The following AKAP6 variants were observed in gnomAD, a reference collection of about 807,000 sequenced individuals.
The protein encoded by AKAP6 is A-kinase anchoring protein 6.
Under a neutral mutation model 188.5 loss-of-function variants are expected in AKAP6, and 58 were observed. The ratio of observed to expected loss-of-function variants is 0.31; its 90% CI spans 0.25 to 0.38. The LOEUF is 0.38. AKAP6 is among the 10% of genes least tolerant of loss of function. AKAP6 has a pLI of 1.00. For synonymous variants in AKAP6, 989 were observed against 998.6 expected (o/e 0.99, Z 0.18); for missense variants, 2,710 against 2,740.0 (o/e 0.99, Z 0.24).
At chr14:32,384,876 G>A (rs975828531) in intron 1 of AKAP6, among the ~76,000 whole-genome samples, 3 of 152,118 alleles carry the variant, frequency 2.0e-5, no homozygotes, top group African/African-American at 7.2e-5. Flanking sequence ...CTGTTAGGGT[G>A]GGTGGAGGGA....
At chr14:32,535,944 A>G in intron 3 of AKAP6, 139 bp downstream of exon 3, 1 of 1,266,708 alleles carries the variant, frequency 7.9e-7, no homozygotes, top group Non-Finnish European at 1.1e-6. Flanking sequence ...AGGCATAGTG[A>G]CTAGAAGCTA....
At chr14:32,477,389 C>A (rs534892857) in intron 2 of AKAP6, among the ~76,000 whole-genome samples, 4 of 152,088 alleles carry the variant, frequency 2.6e-5, no homozygotes, top group East Asian at 1.9e-4. Context: ...CCATGCCTGG[C>A]GGTGTTGAAG....
intron 4 of AKAP6, among the ~76,000 whole-genome samples, chr14:32,573,271 C>A (rs1884573914): frequency 6.6e-6 from 1 of 152,162 alleles, no homozygotes; most frequent in African/African-American, 2.4e-5. Context: ...GTAGAACATG[C>A]ATAAAATGTA....
chr14:32,773,392 A>G (rs2032956654), intron 11 of AKAP6, among the ~76,000 whole-genome samples: 1 of 152,134 alleles, frequency 6.6e-6, no homozygotes, highest in Non-Finnish European at 1.5e-5. Context: ...GATTTATTTC[A>G]TTAGGCTAGA....
intron 12 of AKAP6, among the ~76,000 whole-genome samples, chr14:32,780,146 G>GAAA (rs368489978): frequency 9.3e-6 from 1 of 107,526 alleles, no homozygotes; most frequent in Non-Finnish European, 1.8e-5. Context: ...AAAAGAAATT[G>GAAA]AAAAAAAAAA....
At chr14:32,741,347 G>A (rs887185668) in intron 11 of AKAP6, among the ~76,000 whole-genome samples, 8 of 151,968 alleles carry the variant, frequency 5.3e-5, no homozygotes, top group African/African-American at 1.9e-4. Flanking sequence ...TGATTTGGAT[G>A]CCTCTATTTC....
intron 11 of AKAP6, among the ~76,000 whole-genome samples, chr14:32,763,335 A>G (rs918265357): frequency 6.6e-6 from 1 of 152,152 alleles, no homozygotes; most frequent in African/African-American, 2.4e-5. Context: ...TATTATATCA[A>G]TACCTTTTCC....
intron 1 of AKAP6, among the ~76,000 whole-genome samples, chr14:32,368,714 C>A (rs184976103): frequency 6.6e-6 from 1 of 152,136 alleles, no homozygotes; most frequent in African/African-American, 2.4e-5. Context: ...GTGCCCAAAC[C>A]GTGGACCCCT....
At position 32,599,407 on chromosome 14, in the gene AKAP6, C is replaced by A; in HGVS notation, c.2470-3C>A. ...GGTTTAATGTTCATATTTTTCCTTG[C>A]AGAGTTTTAAGTTGAATGTAGACAG... On this transcript the variant is annotated splice_region_variant and splice_polypyrimidine_tract_variant and intron_variant, in intron 5 of 13. Transcript: ENST00000280979. 6.2e-7 allele frequency: 1 copy of A among 1,608,436 alleles called. No homozygotes were observed. Among genetic ancestry groups the A allele is most frequent in the Non-Finnish European group, 8.5e-7 (1 of 1,177,192 alleles).
At chr14:32,516,643 A>G (rs571001977) in intron 2 of AKAP6, among the ~76,000 whole-genome samples, 25 of 152,348 alleles carry the variant, frequency 1.6e-4, no homozygotes, top group Non-Finnish European at 2.8e-4. Context: ...TTCTATTACC[A>G]CAAATTTTTG....
At chr14:32,591,400 T>C (rs1022614372) in intron 5 of AKAP6, among the ~76,000 whole-genome samples, 1 of 151,800 alleles carries the variant, frequency 6.6e-6, no homozygotes, top group Non-Finnish European at 1.5e-5. Context: ...TTCTATCTAA[T>C]TCTTGCATAA....
intron 4 of AKAP6, among the ~76,000 whole-genome samples, chr14:32,547,311 T>C (rs1196382676): frequency 6.6e-6 from 1 of 152,182 alleles, no homozygotes; most frequent in Admixed American, 6.5e-5. Context: ...CAAAATTAAA[T>C]AGAATGATAG....
At chr14:32,603,978 A>G (rs1566599941) in intron 7 of AKAP6, among the ~76,000 whole-genome samples, 1 of 152,134 alleles carries the variant, frequency 6.6e-6, no homozygotes, top group Non-Finnish European at 1.5e-5. Flanking sequence ...AAAATAGGTG[A>G]CGTTGGGCTA....
intron 7 of AKAP6, among the ~76,000 whole-genome samples, chr14:32,665,611 C>T (rs1461469206): frequency 6.6e-6 from 1 of 152,078 alleles, no homozygotes; most frequent in Non-Finnish European, 1.5e-5. Flanking sequence ...TTCATTCCCC[C>T]ACAGTATAGG....
At chr14:32,437,130 C>G (rs907332840) in intron 2 of AKAP6, among the ~76,000 whole-genome samples, 1 of 152,154 alleles carries the variant, frequency 6.6e-6, no homozygotes, top group African/African-American at 2.4e-5. Context: ...TGTCTGACAG[C>G]TTTTCCTGTT....
At chr14:32,329,862 T>G (rs899918521) in intron 1 of AKAP6, among the ~76,000 whole-genome samples, 17 of 152,140 alleles carry the variant, frequency 1.1e-4, no homozygotes, top group African/African-American at 4.1e-4. Flanking sequence ...GGTTTCAGTT[T>G]CTTCATGGCA....
intron 11 of AKAP6, among the ~76,000 whole-genome samples, chr14:32,746,932 G>A (rs763743149): frequency 1.3e-5 from 2 of 152,130 alleles, no homozygotes; most frequent in Admixed American, 6.6e-5. Context: ...ATAGAACAGG[G>A]CCTTTAAAAG....
At chr14:32,704,882 A>G (rs989595957) in intron 9 of AKAP6, among the ~76,000 whole-genome samples, 1 of 152,198 alleles carries the variant, frequency 6.6e-6, no homozygotes, top group Non-Finnish European at 1.5e-5. Flanking sequence ...GTCTTTTATC[A>G]TCGTTCTAGT....
At chr14:32,672,067 G>A (rs1451697292) in intron 7 of AKAP6, among the ~76,000 whole-genome samples, 1 of 152,152 alleles carries the variant, frequency 6.6e-6, no homozygotes, top group Non-Finnish European at 1.5e-5. Flanking sequence ...TCAGAGGGAA[G>A]TATATGACTG....
Sources: gnomAD v4.1 joint callset for allele counts (sites outside exome capture counted in the v4.1 genomes callset) on GRCh38, gnomAD v4.1.1 for gene constraint, MANE v1.5 for transcripts, NCBI Gene and HGNC (gene_info 2026-07-23, HGNC 2026-07-21) for gene names.